The following CTSA variants were observed in gnomAD, a reference collection of about 807,000 sequenced individuals.
CTSA encodes lysosomal protective protein.
CTSA carries 42 observed loss-of-function variants against 66.7 expected under a neutral mutation model. The observed-to-expected ratio is 0.63, with a 90% CI of 0.49 to 0.81. The LOEUF (loss-of-function observed/expected upper bound fraction) is 0.81. Among genes scored for constraint, CTSA ranks in the 40% least tolerant of loss-of-function variants. CTSA has a pLI of 0.00. For missense variants in CTSA, 525 were observed against 610.9 expected, an observed-to-expected ratio of 0.86 and a Z score of 1.48; for synonymous variants, 225 against 248.6, an observed-to-expected ratio of 0.91 and a Z score of 0.89.
chr20:45,892,411 T>G lies in CTSA; in HGVS notation c.371T>G (p.Leu124Ter). 1 of 1,614,186 alleles carries G rather than the reference T, an allele frequency of 6.2e-7. No homozygotes were observed. Among genetic ancestry groups the G allele is most frequent in the South Asian group, 1.1e-5 (1 of 91,084 alleles). Residue 124 changes from leucine (L) to a stop codon, truncating the protein, a stop_gained, in exon 5 of 15, where the codon TTA (leucine) becomes TGA (stop). Transcript: ENST00000646241. LOFTEE classifies it high-confidence loss of function. ...CCTCCCCTCTAGATTGCCAATGTGT[T>G]ATACCTGGAGTCCCCAGCTGGGGTG... is the stretch of plus-strand genomic sequence containing the variant. Reference protein sequence around the residue: ...PYSWNLIANVLYLESPAGVGF... With the variant: ...PYSWNLIANV
Position 45,891,540 on chromosome 20 carries a change from G to A in CTSA, c.1-29G>A. On this transcript the variant is annotated intron_variant, in intron 1 of 14. Transcript: ENST00000646241. This position sits in a 1 kb window ranked among gnomAD's most constrained non-coding sequence, Gnocchi z 4.6. ...GCTGCACGGAAGCGCTGAGGAGCGA[G>A]TCAACAGCCCCTCTGCTGCCTCCCG... The A allele has an allele frequency of 6.3e-7, 1 of 1,586,728 alleles. No homozygotes were observed. Among genetic ancestry groups the A allele is most frequent in the Non-Finnish European group, 8.5e-7 (1 of 1,170,382 alleles).
At position 45,898,445 on chromosome 20, in the gene CTSA, T is replaced by C; in HGVS notation, c.1438T>C (p.Tyr480His). 1 of 1,613,740 alleles carries C rather than the reference T, an allele frequency of 6.2e-7. No individual in the cohort carries two copies. Among genetic ancestry groups the C allele is most frequent in the Non-Finnish European group, 8.5e-7 (1 of 1,179,900 alleles). Residue 480 changes from tyrosine (Y) to histidine (H), a missense_variant, in exon 15 of 15, where the codon TAC becomes CAC. Tyr to His is a moderately conservative substitution (Grantham distance 83). Around this residue, in one of 3 missense-constraint regions of CTSA, gnomAD observed 274 missense variants for 321.1 expected, o/e 0.85. Coordinates refer to ENST00000646241, the MANE Select transcript of CTSA (RefSeq NM_000308.4). The surrounding 1 kb of genome is among the most constrained non-coding windows in gnomAD (Gnocchi z 4.6). ...CTCCCGCTTCCTGAACAAGCAGCCATACTGATGACCACAGCAACCAGCTCC... is the reference window on the plus strand; with the variant it reads ...CTCCCGCTTCCTGAACAAGCAGCCACACTGATGACCACAGCAACCAGCTCC... ...MFSRFLNKQP[Y>H]
chr20:45,895,188 G>A (rs965311823), intron 11 of CTSA, 55 bp downstream of exon 11: 1 of 1,609,454 alleles, frequency 6.2e-7, no homozygotes, highest in Admixed American at 1.7e-5. Flanking sequence ...GGGCTTGTGG[G>A]CATCGGCAGG....
At position 45,893,285 on chromosome 20, in the gene CTSA, C is replaced by G. The variant is rs1987071242; in HGVS notation, c.666C>G (p.Ala222=). The part of the protein sequence containing the change: ...EQNDNSLVYF[A]YYHGLLGNRL... ...ATGACAACTCCCTGGTCTACTTTGC[C>G]TACTACCATGGCCTTCTGGGGAACA... Residue 222 remains alanine, a synonymous_variant, in exon 7 of 15, where the codon GCC becomes GCG. Transcript: ENST00000646241. 6.2e-7 allele frequency: 1 copy of G among 1,614,038 alleles called. No individual in the cohort carries two copies. The highest frequency in any genetic ancestry group is 8.5e-7 in the Non-Finnish European group (1 of 1,179,964).
intron 11 of CTSA, chr20:45,895,384 G>C: frequency 4.1e-6 from 2 of 493,266 alleles, no homozygotes; most frequent in East Asian, 3.9e-5. Context: ...GCAGTGGTGT[G>C]ATCATAGCTC....
chr20:45,895,335 GTTTGAGACAAGGTC>G lies in CTSA; in HGVS notation c.1088+204_1088+217del, dbSNP rs1333164920. The G allele has an allele frequency of 4.4e-5, 28 of 642,904 alleles. No homozygotes were observed. In the Admixed American group the frequency reaches 8.3e-4, roughly 19 times the overall value. 39.8% of individuals were successfully genotyped at this position (642,904 alleles called of 1,614,324 possible). On this transcript the variant is annotated intron_variant, in intron 11 of 14. Transcript: ENST00000646241. ...TCTTTTTTAAATTTAAAATTTTTTT[GTTTGAGACAAGGTC>G]TCACTCTGTCACCTAGGCTGGAGTG...
In CTSA at chr20:45,897,990, T is replaced by C; in HGVS notation, c.1255-15T>C. 6.2e-7 allele frequency: 1 copy of C among 1,613,766 alleles called. No homozygotes were observed. The highest frequency in any genetic ancestry group is 8.5e-7 in the Non-Finnish European group (1 of 1,179,648). Reference sequence around the variant, plus strand: ...ATGCAGCTGCTGTAGGCTGATGTCTTTCCTGGTGGGGCAGATGGAGGTGCA... The same window carrying C: ...ATGCAGCTGCTGTAGGCTGATGTCTCTCCTGGTGGGGCAGATGGAGGTGCA... On this transcript the variant is annotated splice_polypyrimidine_tract_variant and intron_variant, in intron 13 of 14. Transcript: ENST00000646241.
At position 45,898,587 on chromosome 20, in the gene CTSA, T is replaced by G; in HGVS notation, c.*137T>G. 1.1e-6 allele frequency: 1 copy of G among 873,756 alleles called. No individual in the cohort carries two copies. The highest frequency in any genetic ancestry group is 1.8e-6 in the Non-Finnish European group (1 of 542,198). 54.1% of individuals were successfully genotyped at this position (873,756 alleles called of 1,614,324 possible). On this transcript the variant is annotated 3_prime_UTR_variant, in exon 15 of 15. Transcript: ENST00000646241. The surrounding 1 kb of genome is among the most constrained non-coding windows in gnomAD (Gnocchi z 4.6). ...TGCCCCCTTCCCAGAGCCCTGTACA[T>G]CCCAGACTGGGCCCAGGGTCTCCCA...
Position 45,893,867 on chromosome 20 carries a change from T to C in CTSA, c.693-121T>C. ...TAGATGACATACAGACCACACCCTG[T>C]GATATCTTTCCCAGTCTCCTAGGGT... On this transcript the variant is annotated intron_variant, in intron 7 of 14. Coordinates refer to ENST00000646241, the MANE Select transcript of CTSA (RefSeq NM_000308.4). 4 of 758,004 alleles carry C rather than the reference T, an allele frequency of 5.3e-6. No homozygotes were observed. In the South Asian group the frequency reaches 5.4e-5, roughly 10 times the overall value. The allele number at this position is 758,004 out of a possible 1,614,324, so 47.0% of individuals were successfully genotyped here.
At chr20:45,896,507 A>G in intron 11 of CTSA, 2 of 232,516 alleles carry the variant, frequency 8.6e-6, no homozygotes, top group East Asian at 2.2e-4. Context: ...ATCTTGGCTC[A>G]CTGCAACCTC....
rs769464827 is a variant in CTSA at position 45,895,141 on chromosome 20, TCC to T, written c.1088+9_1088+10del. ...ACAATGGGACATGTGCAAGTGAGGT[TCC>T]GTGGCCACCTGTGACTTGGGGTGGT... On this transcript the variant is annotated intron_variant, in intron 11 of 14. Coordinates refer to ENST00000646241, the MANE Select transcript of CTSA (RefSeq NM_000308.4). 3 of 1,614,046 alleles carry T rather than the reference TCC, an allele frequency of 1.9e-6. No homozygotes were observed. The highest frequency in any genetic ancestry group is 2.5e-6 in the Non-Finnish European group (3 of 1,180,008).
rs2145825820 is a variant in CTSA at position 45,898,657 on chromosome 20, C to T, written c.*207C>T. On this transcript the variant is annotated 3_prime_UTR_variant, in exon 15 of 15. Coordinates refer to ENST00000646241, the MANE Select transcript of CTSA (RefSeq NM_000308.4). The surrounding 1 kb of genome is among the most constrained non-coding windows in gnomAD (Gnocchi z 4.6). ...TTAGCACTTTATTCCCGCAGCAGTT[C>T]CTGAATGGGGTGGCCTGGCCCCTTC... 1.0e-5 allele frequency: 7 copies of T among 685,404 alleles called. No individual in the cohort carries two copies. In the East Asian group the frequency reaches 1.9e-4, roughly 19 times the overall value. 42.5% of individuals were successfully genotyped at this position (685,404 alleles called of 1,614,324 possible). A position where few individuals can be genotyped will look rare whatever the true frequency, so the allele number is the denominator to read the frequency against.
Position 45,891,419 on chromosome 20 carries a change from G to A in CTSA, c.-1+40G>A. On this transcript the variant is annotated intron_variant, in intron 1 of 14. Coordinates refer to ENST00000646241, the MANE Select transcript of CTSA (RefSeq NM_000308.4). This position sits in a 1 kb window ranked among gnomAD's most constrained non-coding sequence, Gnocchi z 4.6. ...GAGGCTGGAGGGGATCCCCGAGCCC[G>A]GGATCGGTGCGCGGCAGAGGAGGCT... 1 of 1,554,998 alleles carries A rather than the reference G, an allele frequency of 6.4e-7. No homozygotes were observed. The highest frequency in any genetic ancestry group is 8.7e-7 in the Non-Finnish European group (1 of 1,150,228).
At chr20:45,897,194 T>G in intron 12 of CTSA, 154 bp downstream of exon 12, 2 of 721,130 alleles carry the variant, frequency 2.8e-6, no homozygotes, top group Admixed American at 4.1e-5. Context: ...GGTCAGAATT[T>G]GAACCTGGGT....
intron 11 of CTSA, 76 bp downstream of exon 11, chr20:45,895,209 ATCT>A (rs2145819931): frequency 6.4e-7 from 1 of 1,569,616 alleles, no homozygotes; most frequent in South Asian, 1.1e-5. Context: ...TTTCTCAGGG[ATCT>A]TCTGTGTAGA....
intron 7 of CTSA, chr20:45,893,528 G>A: frequency 1.8e-6 from 1 of 564,834 alleles, no homozygotes; most frequent in Non-Finnish European, 3.2e-6. Flanking sequence ...TGTCACCCAG[G>A]CTGGAGTGCA....
rs377008749 is a variant in CTSA, at chr20:45,898,390, C to T, written c.1383C>T (p.Thr461=). 9.3e-6 allele frequency: 15 copies of T among 1,614,010 alleles called. No individual in the cohort carries two copies. Among genetic ancestry groups the T allele is most frequent in the Admixed American group, 3.3e-5 (2 of 60,010 alleles). Residue 461 remains threonine (T), a synonymous_variant, in exon 15 of 15, where the codon ACC becomes ACT. Coordinates refer to ENST00000646241, the MANE Select transcript of CTSA (RefSeq NM_000308.4). The surrounding 1 kb of genome is among the most constrained non-coding windows in gnomAD (Gnocchi z 4.6). ...TIKGAGHMVP[T]DKPLAAFTMF... ...AGGGCGCCGGCCACATGGTTCCCAC[C>T]GACAAGCCCCTCGCTGCCTTCACCA...
At chr20:45,893,912 TG>T (rs1987101028) in intron 7 of CTSA, 75 bp from the exon 8 acceptor site, 7 of 878,720 alleles carry the variant, frequency 8.0e-6, no homozygotes, top group Non-Finnish European at 9.7e-6. Context: ...TGGTGGGAGG[TG>T]GGGGGTATGC....
intron 6 of CTSA, 165 bp downstream of exon 6, chr20:45,893,045 T>G: frequency 1.0e-6 from 1 of 960,712 alleles, no homozygotes; most frequent in Admixed American, 2.0e-5. Context: ...CACAGGAAAC[T>G]CACCTGTCAG....
Sources: allele counts gnomAD v4.1 joint callset, GRCh38; gene constraint gnomAD v4.1.1; regional missense constraint gnomAD v4.1.1; non-coding constraint Gnocchi (gnomAD v3.1); transcripts MANE v1.5; gene names NCBI Gene and HGNC (gene_info 2026-07-23, HGNC 2026-07-21).